DNAJB6: variants seen among roughly 807,000 people sequenced by gnomAD.
DNAJB6 encodes dnaJ homolog subfamily B member 6.
Under a neutral mutation model 42.7 loss-of-function variants are expected in DNAJB6, and 16 were observed. The observed-to-expected ratio is 0.37, with a 90% CI of 0.25 to 0.57. The LOEUF (loss-of-function observed/expected upper bound fraction) is 0.57. Ranked by LOEUF, DNAJB6 falls within the 20% of genes least tolerant of loss-of-function variation. The pLI is 0.74. For synonymous variants in DNAJB6, 170 were observed against 163.5 expected (o/e 1.04, Z -0.30); for missense variants, 347 against 416.8 (o/e 0.83, Z 1.46).
intron 1 of DNAJB6, among the ~76,000 whole-genome samples, chr7:157,338,740 C>T (rs1054939116): frequency 2.6e-5 from 4 of 152,228 alleles, no homozygotes; most frequent in African/African-American, 9.6e-5. Flanking sequence ...TTTTTATGCA[C>T]GCTTCAGCGA....
At chr7:157,384,797 T>C (rs1800970382) in intron 6 of DNAJB6, 70 bp from the exon 7 acceptor site, 3 of 1,497,414 alleles carry the variant, frequency 2.0e-6, no homozygotes, top group South Asian at 2.4e-5. Context: ...TACTGAACTT[T>C]CAAACTCTTG....
intron 1 of DNAJB6, among the ~76,000 whole-genome samples, chr7:157,346,311 A>G (rs1037746288): frequency 8.0e-6 from 1 of 125,630 alleles, no homozygotes. Context: ...CTCTGCAAGG[A>G]GTAGTAAAAA....
intron 5 of DNAJB6, among the ~76,000 whole-genome samples, chr7:157,374,336 T>C (rs1210503188): frequency 2.0e-5 from 3 of 152,156 alleles, no homozygotes; most frequent in African/African-American, 7.2e-5. Context: ...CTCGGCTCAC[T>C]GCAACCTGTA....
intron 9 of DNAJB6, chr7:157,410,662 T>G (rs7796694): frequency 0.053 from 7,989 of 151,126 alleles, 760 homozygotes; most frequent in African/African-American, 0.19. Context: ...GTAGTGTGAA[T>G]CGTGCGTCAG....
Position 157,360,994 on chromosome 7 carries a change from G to T in DNAJB6, c.66-2167G>T, listed in dbSNP as rs114510893. 6.4e-3 allele frequency among the ~76,000 whole-genome samples: 982 copies of T among 152,264 alleles called. 11 individuals are homozygous for T. Among genetic ancestry groups the T allele is most frequent in the African/African-American group, 0.022 (909 of 41,542 alleles). ...GTAGTGTATGACTGGGGCATACACAGTTGAATCTTGTCCTGCATTCTCATC... is the reference window on the plus strand; with the variant it reads ...GTAGTGTATGACTGGGGCATACACATTTGAATCTTGTCCTGCATTCTCATC... On this transcript the variant is annotated intron_variant, in intron 2 of 9. Transcript: ENST00000262177.
At chr7:157,391,621 G>C (rs1801345464) in intron 8 of DNAJB6, among the ~76,000 whole-genome samples, 1 of 152,150 alleles carries the variant, frequency 6.6e-6, no homozygotes, top group Non-Finnish European at 1.5e-5. Context: ...CCCATCCATG[G>C]CGGATGCCTG....
chr7:157,354,269 T>C lies in DNAJB6; in HGVS notation c.-26-4278T>C, dbSNP rs1400950523. On this transcript the variant is annotated intron_variant, in intron 1 of 9. Coordinates refer to ENST00000262177, the MANE Select transcript of DNAJB6 (RefSeq NM_058246.4). ...TTCAAGCGATTCTCCTGCCTCAGCC[T>C]CTTGAGTAGCTGGGATTACAGGCAT... Among the ~76,000 whole-genome samples, 3 of 152,264 alleles carry C rather than the reference T, an allele frequency of 2.0e-5. No homozygotes were observed. The East Asian group carries it at 5.8e-4, about 29-fold the overall frequency.
intron 3 of DNAJB6, among the ~76,000 whole-genome samples, chr7:157,365,087 G>T (rs569697986): frequency 6.6e-6 from 1 of 152,296 alleles, no homozygotes; most frequent in East Asian, 1.9e-4. Flanking sequence ...GAGTAACTGG[G>T]ACCACGGGTG....
At chr7:157,348,806 C>G (rs1003746863) in intron 1 of DNAJB6, among the ~76,000 whole-genome samples, 1 of 152,154 alleles carries the variant, frequency 6.6e-6, no homozygotes, top group Non-Finnish European at 1.5e-5. Context: ...ACTCCCAGCA[C>G]CCTCACACTG....
intron 8 of DNAJB6, among the ~76,000 whole-genome samples, chr7:157,396,450 T>C (rs1397902862): frequency 2.6e-5 from 4 of 152,328 alleles, no homozygotes; most frequent in Non-Finnish European, 4.4e-5. Context: ...AACAGGGAAC[T>C]AAAGACTTTT....
intron 8 of DNAJB6, among the ~76,000 whole-genome samples, chr7:157,409,124 AT>A (rs1010064640): frequency 1.3e-5 from 2 of 152,016 alleles, no homozygotes; most frequent in African/African-American, 4.8e-5. Context: ...CGTTCAAAAC[AT>A]TTTTTCCATA....
intron 8 of DNAJB6, among the ~76,000 whole-genome samples, chr7:157,392,406 G>T (rs939124348): frequency 1.3e-5 from 2 of 148,790 alleles, no homozygotes; most frequent in African/African-American, 5.0e-5. Context: ...GACTTACTGT[G>T]TGGTAGTCTT....
At chr7:157,337,500 A>G (rs962359113) in intron 1 of DNAJB6, 4 of 149,588 alleles carry the variant, frequency 2.7e-5, no homozygotes, top group African/African-American at 9.7e-5. Flanking sequence ...CGGGGCCGGC[A>G]GCGTGGGAGG....
At chr7:157,337,439 G>A (rs920422199) in intron 1 of DNAJB6, 1 of 152,348 alleles carries the variant, frequency 6.6e-6, no homozygotes, top group Non-Finnish European at 1.5e-5. Flanking sequence ...GCGGCGGTTG[G>A]GGGTGGGGCC....
intron 2 of DNAJB6, among the ~76,000 whole-genome samples, chr7:157,360,628 C>T (rs1421885302): frequency 1.3e-5 from 2 of 152,158 alleles, no homozygotes; most frequent in African/African-American, 4.8e-5. Context: ...GTGAGATTTC[C>T]TGCACTCCTG....
intron 1 of DNAJB6, among the ~76,000 whole-genome samples, chr7:157,348,811 AC>A (rs1798822402): frequency 6.6e-6 from 1 of 151,934 alleles, no homozygotes; most frequent in Non-Finnish European, 1.5e-5. Flanking sequence ...CAGCACCCTC[AC>A]ACTGACGTTC....
chr7:157,352,597 T>C (rs1452110309), intron 1 of DNAJB6, among the ~76,000 whole-genome samples: 2 of 152,108 alleles, frequency 1.3e-5, no homozygotes, highest in African/African-American at 2.4e-5. Flanking sequence ...CTCAGGCGGC[T>C]GTCTGTGTGC....
At chr7:157,383,274 A>AG (rs1425336366) in intron 6 of DNAJB6, among the ~76,000 whole-genome samples, 3 of 152,152 alleles carry the variant, frequency 2.0e-5, no homozygotes, top group Non-Finnish European at 4.4e-5. Context: ...CCAAAGTGCT[A>AG]GGATTACAGG....
intron 1 of DNAJB6, among the ~76,000 whole-genome samples, chr7:157,348,776 G>C (rs1028952081): frequency 1.3e-5 from 2 of 151,998 alleles, no homozygotes; most frequent in Admixed American, 6.6e-5. Context: ...TTCTTGTCCT[G>C]ACTCCCTCCC....
Sources: allele counts gnomAD v4.1 joint callset (sites outside exome capture counted in the v4.1 genomes callset), GRCh38; gene constraint gnomAD v4.1.1; transcripts MANE v1.5; gene names NCBI Gene and HGNC (gene_info 2026-07-23, HGNC 2026-07-21).